Variants in SACM1L observed in about 807,000 individuals in gnomAD.
SACM1L encodes phosphatidylinositol-3-phosphatase SAC1.
In SACM1L, 32 loss-of-function variants were observed where a neutral mutation model predicts 89.5. The observed-to-expected ratio is 0.36, with a 90% CI of 0.27 to 0.48. The LOEUF (loss-of-function observed/expected upper bound fraction) is 0.48, where lower values mean the gene tolerates loss of function less well. Among genes scored for constraint, SACM1L ranks in the 20% least tolerant of loss-of-function variants. The pLI, the probability that SACM1L is intolerant of heterozygous loss-of-function variation, is 0.99. For synonymous variants in SACM1L, 213 were observed against 232.8 expected (o/e 0.92, Z 0.77); for missense variants, 543 against 708.5 (o/e 0.77, Z 2.65).
At chr3:45,689,798 G>A (rs1697925203) in intron 1 of SACM1L, 5 of 558,238 alleles carry the variant, frequency 9.0e-6, no homozygotes, top group Non-Finnish European at 1.6e-5. Context: ...GCCCTTCAGG[G>A]CACGCTTGTC....
At chr3:45,707,020 C>A (rs1269395479) in intron 4 of SACM1L, 113 bp downstream of exon 4, 1 of 980,446 alleles carries the variant, frequency 1.0e-6, no homozygotes, top group Non-Finnish European at 1.5e-6. Flanking sequence ...TTTTAACAAC[C>A]TATAGAGTAA....
chr3:45,719,722 A>G, intron 8 of SACM1L, 121 bp downstream of exon 8: 1 of 556,174 alleles, frequency 1.8e-6, no homozygotes, highest in East Asian at 3.1e-5. Flanking sequence ...CTAAGTATTT[A>G]TCTCCTGCTT....
In SACM1L at chr3:45,729,399, A is replaced by ATATTT. The variant is rs1698996425; in HGVS notation, c.922-1899_922-1898insTTTAT. On this transcript the variant is annotated intron_variant, in intron 11 of 19. Transcript: ENST00000389061. The stretch of plus-strand genomic sequence containing the variant: ...TATGCCCAGCCTGTTGGAAATTTTT[A>ATATTT]TATCTCTGTATAGCTGCAAGTTACT... 2.0e-5 allele frequency among the ~76,000 whole-genome samples: 3 copies of ATATTT among 152,222 alleles called. No individual in the cohort carries two copies. The South Asian group carries it at 6.2e-4, about 32-fold the overall frequency.
At chr3:45,702,215 G>A (rs938364) in intron 1 of SACM1L, among the ~76,000 whole-genome samples, 146,045 of 152,322 alleles carry the variant, frequency 0.96, 70,018 homozygotes, top group Middle Eastern at 0.99. Context: ...CAGAGAACTT[G>A]CAGTAAAAAA....
Position 45,731,317 on chromosome 3 carries a change from C to T in SACM1L, c.938C>T (p.Ser313Leu), listed in dbSNP as rs1489201353. ...TTTTTACAGATTAACCAGAAGGGCT[C>T]GGAGAAGCCACTTGAGCAGACATTT... ...VIINLINQKG[S>L]EKPLEQTFAT... is the part of the protein sequence containing the mutation. The change falls in exon 12 of 20, where the codon TCG becomes TTG. Residue 313 changes from serine to leucine, a missense_variant. Coordinates refer to ENST00000389061, the MANE Select transcript of SACM1L (RefSeq NM_014016.5). The T allele has an allele frequency of 6.8e-6, 11 of 1,612,318 alleles. No homozygotes were observed. Among genetic ancestry groups the T allele is most frequent in the African/African-American group, 2.7e-5 (2 of 74,816 alleles).
At chr3:45,737,684 G>A in intron 15 of SACM1L, 32 bp downstream of exon 15, 3 of 1,575,516 alleles carry the variant, frequency 1.9e-6, no homozygotes, top group Non-Finnish European at 2.6e-6. Flanking sequence ...GACAAAGTTG[G>A]TCAGATTTTG....
chr3:45,739,501 T>C, intron 18 of SACM1L, 86 bp from the exon 19 acceptor site: 1 of 1,171,598 alleles, frequency 8.5e-7, no homozygotes, highest in Non-Finnish European at 1.3e-6. Flanking sequence ...AGTTTTATTC[T>C]TTTCCCAAGC....
chr3:45,705,704 AT>A (rs1175161195), intron 3 of SACM1L, among the ~76,000 whole-genome samples: 1 of 151,996 alleles, frequency 6.6e-6, no homozygotes, highest in East Asian at 1.9e-4. Flanking sequence ...GGGTTTCACC[AT>A]GTTGGTCAGG....
intron 1 of SACM1L, among the ~76,000 whole-genome samples, chr3:45,700,559 T>TA (rs1698241752): frequency 6.6e-6 from 1 of 152,236 alleles, no homozygotes; most frequent in Non-Finnish European, 1.5e-5. Context: ...AACCATTTAG[T>TA]AAAATTTTAA....
At chr3:45,719,346 T>G (rs1016414408) in intron 7 of SACM1L, among the ~76,000 whole-genome samples, 154 bp from the exon 8 acceptor site, 1 of 152,196 alleles carries the variant, frequency 6.6e-6, no homozygotes, top group African/African-American at 2.4e-5. Flanking sequence ...CACAGTTGAT[T>G]ATAGTACTAA....
Position 45,719,593 on chromosome 3 carries a change from A to C in SACM1L, c.671A>C (p.Tyr224Ser). The C allele has an allele frequency of 6.2e-7, 1 of 1,604,118 alleles. No homozygotes were observed. The highest frequency in any genetic ancestry group is 8.5e-7 in the Non-Finnish European group (1 of 1,174,342). ...TGTTTCAGAGCTGGTGTGCGCTATTATGTAAGAGGTGAGAATTTTGTCAGC... is the reference window on the plus strand; with the variant it reads ...TGTTTCAGAGCTGGTGTGCGCTATTCTGTAAGAGGTGAGAATTTTGTCAGC... ...RSCFRAGVRY[Y>S]VRGIDSEGHA... Residue 224 changes from tyrosine to serine, a missense_variant, in exon 8 of 20, where the codon TAT becomes TCT. Transcript: ENST00000389061.
chr3:45,703,195 T>A (rs1216238856), intron 1 of SACM1L, among the ~76,000 whole-genome samples: 1 of 113,970 alleles, frequency 8.8e-6, no homozygotes, highest in Admixed American at 8.8e-5. Context: ...TAGATTTGAT[T>A]ATGGCATTTT....
At chr3:45,726,178 G>T (rs1698912688) in intron 11 of SACM1L, among the ~76,000 whole-genome samples, 1 of 151,982 alleles carries the variant, frequency 6.6e-6, no homozygotes, top group African/African-American at 2.4e-5. Context: ...TCTTTGTTTG[G>T]TTTTGATATC....
rs757657950 is a variant in SACM1L, at chr3:45,738,787, A to G, written c.1483A>G (p.Ile495Val). The G allele has an allele frequency of 6.2e-7, 1 of 1,604,402 alleles. No homozygotes were observed. Among genetic ancestry groups the G allele is most frequent in the Non-Finnish European group, 8.5e-7 (1 of 1,171,436 alleles). ...NFSDGFRQDS[I>V]DLFLGNYSVD... ...TTCTTCCTTTCTGTTCTAGGATTCC[A>G]TAGACTTATTTCTTGGAAACTATTC... is the stretch of plus-strand genomic sequence containing the variant. The change falls in exon 18 of 20, where the codon ATA (isoleucine) becomes GTA (valine). Residue 495 changes from isoleucine to valine, a missense_variant. Physicochemically the swap from Ile to Val is conservative, Grantham distance 29. This residue lies in a region of SACM1L where 370 missense variants were observed against 527.6 expected (regional missense o/e 0.70). Transcript: ENST00000389061.
intron 11 of SACM1L, among the ~76,000 whole-genome samples, chr3:45,725,288 T>C (rs1183292005): frequency 7.9e-6 from 1 of 127,244 alleles, no homozygotes; most frequent in African/African-American, 3.1e-5. Context: ...ACTAGTACTG[T>C]CGTCTTAATA....
chr3:45,715,749 G>C (rs1357229211), intron 7 of SACM1L, among the ~76,000 whole-genome samples: 1 of 149,316 alleles, frequency 6.7e-6, no homozygotes, highest in African/African-American at 2.5e-5. Context: ...ACTCCAGCCT[G>C]GATGACACAG....
intron 13 of SACM1L, among the ~76,000 whole-genome samples, chr3:45,733,413 A>G (rs966060022): frequency 1.3e-5 from 2 of 152,208 alleles, no homozygotes; most frequent in Admixed American, 1.3e-4. Flanking sequence ...ATGATAACTT[A>G]CTGTATAGTT....
chr3:45,742,590 T>C (rs2742374), intron 19 of SACM1L: 95,836 of 152,182 alleles, frequency 0.63, 30,625 homozygotes, highest in Non-Finnish European at 0.66. Context: ...GCCCACCGGC[T>C]TGCTGCTAAC....
chr3:45,719,039 C>T (rs976130483), intron 7 of SACM1L, among the ~76,000 whole-genome samples: 1 of 152,098 alleles, frequency 6.6e-6, no homozygotes, highest in African/African-American at 2.4e-5. Context: ...ATATGCTTAC[C>T]AGCTGTTACA....
Sources: gnomAD v4.1 joint callset for allele counts (sites outside exome capture counted in the v4.1 genomes callset) on GRCh38, gnomAD v4.1.1 for gene constraint, gnomAD v4.1.1 regional missense constraint, MANE v1.5 for transcripts, NCBI Gene and HGNC (gene_info 2026-07-23, HGNC 2026-07-21) for gene names.